Variants in TNRC18 observed in about 807,000 individuals in gnomAD.
TNRC18 encodes trinucleotide repeat-containing gene 18 protein.
TNRC18 carries 69 observed loss-of-function variants against 226.7 expected under a neutral mutation model. The observed-to-expected ratio is 0.30, with a 90% CI of 0.25 to 0.37. The LOEUF is 0.37. Among genes scored for constraint, TNRC18 ranks in the 10% least tolerant of loss-of-function variants. The pLI, the probability that TNRC18 is intolerant of heterozygous loss-of-function variation, is 1.00. For synonymous variants in TNRC18, 2,449 were observed against 1,927.6 expected (o/e 1.27, Z -7.09); for missense variants, 4,754 against 4,256.6 (o/e 1.12, Z -3.25).
intron 2 of TNRC18, among the ~76,000 whole-genome samples, chr7:5,418,776 G>T (rs1024432436): frequency 6.6e-6 from 1 of 152,256 alleles, no homozygotes; most frequent in Non-Finnish European, 1.5e-5. Context: ...ACGCGGGAGG[G>T]GGAGGATGTG....
intron 5 of TNRC18, among the ~76,000 whole-genome samples, chr7:5,379,652 G>A (rs771321272): frequency 2.0e-5 from 3 of 152,206 alleles, no homozygotes; most frequent in African/African-American, 7.2e-5. Context: ...ACCCTGCCCT[G>A]GCCCCTCTTT....
At chr7:5,353,613 G>A (rs1244938432) in intron 16 of TNRC18, among the ~76,000 whole-genome samples, 3 of 146,792 alleles carry the variant, frequency 2.0e-5, no homozygotes, top group Admixed American at 1.4e-4. Context: ...CCCTACAATC[G>A]AAACTGAAAA....
In TNRC18 at chr7:5,394,356, A is replaced by G. The variant is rs1234306485; in HGVS notation, c.343+84T>C. The G allele has an allele frequency of 1.7e-5, 22 of 1,318,652 alleles. No homozygotes were observed. The highest frequency in any genetic ancestry group is 3.1e-5 in the African/African-American group (2 of 64,518). The allele number at this position is 1,318,652 out of a possible 1,614,324, so 81.7% of individuals were successfully genotyped here. On this transcript the variant is annotated intron_variant, in intron 3 of 29. Coordinates refer to ENST00000430969, the MANE Select transcript of TNRC18 (RefSeq NM_001080495.3). This position sits in a 1 kb window ranked among gnomAD's most constrained non-coding sequence, Gnocchi z 4.5. ...ACCCACCAGCCCCAGCTCAGCGATG[A>G]CAACAGAGGGGCACATGAAGTGGCC...
rs2128180680 is a variant in TNRC18 at position 5,376,977 on chromosome 7, A to T, written c.2478T>A (p.Ser826=). 1.3e-6 allele frequency: 2 copies of T among 1,583,550 alleles called. No homozygotes were observed. Among genetic ancestry groups the T allele is most frequent in the East Asian group, 4.6e-5 (2 of 43,446 alleles). The change falls in exon 8 of 30, where the codon TCT becomes TCA. Residue 826 remains serine (S), a synonymous_variant. Coordinates refer to ENST00000430969, the MANE Select transcript of TNRC18 (RefSeq NM_001080495.3). The stretch of plus-strand genomic sequence containing the variant: ...ACGCAGGGGCCATGCCCTGGTGCAG[A>T]GATGGGGGACCCAAGCCTAGGAGGA... ...AGHPYGLGPP[S]LHQGMAPAFP...
chr7:5,416,549 G>C (rs1325725797), intron 2 of TNRC18, among the ~76,000 whole-genome samples: 1 of 151,768 alleles, frequency 6.6e-6, no homozygotes, highest in East Asian at 2.0e-4. Flanking sequence ...GGGAGACCCT[G>C]TCTCTACAGA....
chr7:5,314,890 G>A, intron 26 of TNRC18, 94 bp downstream of exon 26: 4 of 1,350,744 alleles, frequency 3.0e-6, no homozygotes, highest in Non-Finnish European at 3.0e-6. Flanking sequence ...CTTACAGACA[G>A]CAGGCAGGCA....
At chr7:5,380,168 C>T (rs1464622446) in intron 5 of TNRC18, among the ~76,000 whole-genome samples, 1 of 152,140 alleles carries the variant, frequency 6.6e-6, no homozygotes, top group Non-Finnish European at 1.5e-5. Context: ...ACCCCAGGCC[C>T]GACAGAATGG....
chr7:5,394,425 C>G lies in TNRC18; in HGVS notation c.343+15G>C. 7.2e-6 allele frequency: 11 copies of G among 1,520,138 alleles called. No homozygotes were observed. Among genetic ancestry groups the G allele is most frequent in the Non-Finnish European group, 8.8e-6 (10 of 1,135,032 alleles). The allele number at this position is 1,520,138 out of a possible 1,614,324, so 94.2% of individuals were successfully genotyped here. A position where few individuals can be genotyped will look rare whatever the true frequency, so the allele number is the denominator to read the frequency against. On this transcript the variant is annotated intron_variant, in intron 3 of 29. Coordinates refer to ENST00000430969, the MANE Select transcript of TNRC18 (RefSeq NM_001080495.3). The surrounding 1 kb of genome is among the most constrained non-coding windows in gnomAD (Gnocchi z 4.5). ...GCCCAGCAGCCCTCAGCCCCGACCC[C>G]GGCATGTTCCTTACCTTCATGGGCG...
chr7:5,324,276 G>A lies in TNRC18; in HGVS notation c.6380C>T (p.Ser2127Leu), dbSNP rs375922993. The A allele has an allele frequency of 9.3e-6, 15 of 1,613,322 alleles. No homozygotes were observed. Among genetic ancestry groups the A allele is most frequent in the African/African-American group, 6.7e-5 (5 of 75,060 alleles). The change falls in exon 21 of 30, where the codon TCG (serine) becomes TTG (leucine). Residue 2127 changes from serine (S) to leucine (L), a missense_variant. Physicochemically the swap from Ser to Leu is moderately radical, Grantham distance 145 (BLOSUM62 -2). Coordinates refer to ENST00000430969, the MANE Select transcript of TNRC18 (RefSeq NM_001080495.3). The surrounding 1 kb of genome is among the most constrained non-coding windows in gnomAD (Gnocchi z 4.8). ...CAGGTGCTCGTCCTCAGAGAAGCTC[G>A]AGTCTTGGTTGGGTTCAAAGTCCTC... The part of the protein sequence containing the change: ...AEEDFEPNQD[S>L]SFSEDEHLPR...
intron 11 of TNRC18, among the ~76,000 whole-genome samples, chr7:5,365,922 C>G (rs1011511032): frequency 1.3e-5 from 2 of 152,070 alleles, no homozygotes; most frequent in African/African-American, 4.8e-5. Flanking sequence ...ATACAAAAAA[C>G]TAGCCGGGCC....
intron 2 of TNRC18, among the ~76,000 whole-genome samples, chr7:5,418,289 C>T (rs1345701814): frequency 1.3e-5 from 2 of 152,310 alleles, no homozygotes; most frequent in South Asian, 2.1e-4. Flanking sequence ...TAATAGGAAA[C>T]TTAAAAACCA....
chr7:5,359,411 T>C lies in TNRC18; in HGVS notation c.4820A>G (p.Asp1607Gly). ...QTWDEHEASS[D>G]FISQLKIKKK... ...TGGGTTACTCACCTGACTGATGAAG[T>C]CCGACGAGGCCTCATGTTCATCCCA... Residue 1607 changes from aspartate to glycine, a missense_variant, in exon 15 of 30, where the codon GAC (aspartate) becomes GGC (glycine). Coordinates refer to ENST00000430969, the MANE Select transcript of TNRC18 (RefSeq NM_001080495.3). The C allele has an allele frequency of 1.9e-6, 3 of 1,614,010 alleles. No homozygotes were observed. The highest frequency in any genetic ancestry group is 2.5e-6 in the Non-Finnish European group (3 of 1,179,888).
rs534103455 is a variant in TNRC18, at chr7:5,345,869, C to T, written c.5471-59G>A. The T allele has an allele frequency of 1.6e-3, 2,327 of 1,494,620 alleles. 20 individuals carry two copies. Among genetic ancestry groups the T allele is most frequent in the South Asian group, 0.014 (1,066 of 76,966 alleles). 92.6% of individuals were successfully genotyped at this position (1,494,620 alleles called of 1,614,324 possible). On this transcript the variant is annotated intron_variant, in intron 17 of 29. Coordinates refer to ENST00000430969, the MANE Select transcript of TNRC18 (RefSeq NM_001080495.3). ...CTTGGCCTTGGCGAGGGCCACCCCC[C>T]ACCGCCCCCTGGCCCAGAGTGGCCT...
In TNRC18 at chr7:5,325,127, G is replaced by A; in HGVS notation, c.6269C>T (p.Ala2090Val). 1 of 1,550,670 alleles carries A rather than the reference G, an allele frequency of 6.4e-7. No individual in the cohort carries two copies. Among genetic ancestry groups the A allele is most frequent in the Non-Finnish European group, 8.7e-7 (1 of 1,147,290 alleles). The change falls in exon 20 of 30, where the codon GCC becomes GTC. Residue 2090 changes from alanine (A) to valine (V), a missense_variant. Transcript: ENST00000430969. ...CTTCACCTCCTTCCCTTTGGCCTTG[G>A]CTTTGCTCCTTTTGGCAGCGGTCAG... is the stretch of plus-strand genomic sequence containing the variant. ...SSLTAAKRSK[A>V]KAKGKEVKKE...
At chr7:5,349,366 G>T (rs1006346957) in intron 17 of TNRC18, among the ~76,000 whole-genome samples, 5 of 152,126 alleles carry the variant, frequency 3.3e-5, no homozygotes, top group Admixed American at 2.6e-4. Context: ...GGGACAGGGA[G>T]GGGGGAAAAA....
chr7:5,376,330 G>C (rs1794674066), intron 8 of TNRC18, 106 bp from the exon 9 acceptor site: 1 of 1,052,178 alleles, frequency 9.5e-7, no homozygotes, highest in Non-Finnish European at 1.3e-6. Flanking sequence ...CACACAGTGG[G>C]GAGCTGGGCT....
Position 5,421,411 on chromosome 7 carries a change from G to T in TNRC18, c.-165C>A. The T allele has an allele frequency of 2.1e-6, 1 of 479,948 alleles. No homozygotes were observed. 29.7% of individuals were successfully genotyped at this position (479,948 alleles called of 1,614,324 possible). A position where few individuals can be genotyped will look rare whatever the true frequency, so the allele number is the denominator to read the frequency against. The stretch of plus-strand genomic sequence containing the variant: ...GCTTGCGCTCGGCGGCGGGCCCGCG[G>T]CCCGGGGCGCACAGGCGGCCGGCGG... On this transcript the variant is annotated 5_prime_UTR_variant, in exon 2 of 30. Coordinates refer to ENST00000430969, the MANE Select transcript of TNRC18 (RefSeq NM_001080495.3).
chr7:5,390,473 CT>C lies in TNRC18; in HGVS notation c.487+11del. ...CCCCTGTGCCACCCCCAACCCCGGA[CT>C]CCAGTCTTACCTCCTCCTGGCCCCT... On this transcript the variant is annotated intron_variant, in intron 4 of 29. Coordinates refer to ENST00000430969, the MANE Select transcript of TNRC18 (RefSeq NM_001080495.3). 6.2e-7 allele frequency: 1 copy of C among 1,613,402 alleles called. No homozygotes were observed. Among genetic ancestry groups the C allele is most frequent in the Non-Finnish European group, 8.5e-7 (1 of 1,179,804 alleles).
chr7:5,315,889 T>G, intron 25 of TNRC18, 67 bp downstream of exon 25: 1 of 1,246,848 alleles, frequency 8.0e-7, no homozygotes, highest in Middle Eastern at 2.2e-4. Context: ...AGAGCCGGGC[T>G]TGGAGGGCGA....
Sources: gnomAD v4.1 joint callset for allele counts (sites outside exome capture counted in the v4.1 genomes callset) on GRCh38, gnomAD v4.1.1 for gene constraint, Gnocchi (gnomAD v3.1) non-coding constraint, MANE v1.5 for transcripts, NCBI Gene and HGNC (gene_info 2026-07-23, HGNC 2026-07-21) for gene names.